Variants in RPA3 observed in about 807,000 individuals in gnomAD.
RPA3 encodes replication protein A 14 kDa subunit.
In RPA3, 24 loss-of-function variants were observed where a neutral mutation model predicts 13.7. The ratio of observed to expected loss-of-function variants is 1.75; its 90% CI spans 1.27 to 2.46. The LOEUF (loss-of-function observed/expected upper bound fraction) is 2.46, where lower values mean the gene tolerates loss of function less well. RPA3 is among the 30% of genes most tolerant of loss of function. RPA3 has a pLI of 0.00. For synonymous variants in RPA3, 59 were observed against 51.2 expected (o/e 1.15, Z -0.65); for missense variants, 183 against 151.0 (o/e 1.21, Z -1.11).
At chr7:7,664,470 C>T (rs1299833548) in intron 4 of RPA3, among the ~76,000 whole-genome samples, 1 of 152,200 alleles carries the variant, frequency 6.6e-6, no homozygotes, top group Non-Finnish European at 1.5e-5. Flanking sequence ...TTTCCTGACG[C>T]TTACAACTCT....
At position 7,685,879 on chromosome 7, in the gene RPA3, A is replaced by T. The variant is rs1416928258; in HGVS notation, c.-807T>A. 1 of 152,218 alleles carries T rather than the reference A, an allele frequency of 6.6e-6. No individual in the cohort carries two copies. The allele number at this position is 152,218 out of a possible 1,614,324, so 9.4% of individuals were successfully genotyped here. Reference sequence around the variant, plus strand: ...ATAAGTAAGAAGAATGTGGTAAATTAGTGTCGTATCTTTTTTTGATTGTAG... The same window carrying T: ...ATAAGTAAGAAGAATGTGGTAAATTTGTGTCGTATCTTTTTTTGATTGTAG... On this transcript the variant is annotated 5_prime_UTR_variant, in exon 4 of 8. Transcript: ENST00000223129.
In RPA3 at chr7:7,683,589, A is replaced by G. The variant is rs560719320; in HGVS notation, c.-758+2241T>C. ...AAATAGAAAAAGAGCAGAAAGCTTC[A>G]TACATGATCCTATGAAATGAAATTT... On this transcript the variant is annotated intron_variant, in intron 4 of 7. Transcript: ENST00000223129. Among the ~76,000 whole-genome samples, 16 of 152,274 alleles carry G rather than the reference A, an allele frequency of 1.1e-4. No individual in the cohort carries two copies. In the South Asian group the frequency reaches 1.9e-3, roughly 18 times the overall value.
At chr7:7,679,760 T>C (rs1764419833) in intron 4 of RPA3, among the ~76,000 whole-genome samples, 1 of 148,274 alleles carries the variant, frequency 6.7e-6, no homozygotes, top group Admixed American at 6.8e-5. Flanking sequence ...AGGCAATAAC[T>C]CACTATGTTA....
chr7:7,651,590 T>C (rs760308718), intron 4 of RPA3, among the ~76,000 whole-genome samples: 1 of 152,220 alleles, frequency 6.6e-6, no homozygotes, highest in African/African-American at 2.4e-5. Context: ...TGATCTCTAA[T>C]TGAAGGAGAG....
intron 4 of RPA3, among the ~76,000 whole-genome samples, chr7:7,643,953 G>T (rs1785036870): frequency 6.6e-6 from 1 of 152,120 alleles, no homozygotes; most frequent in Non-Finnish European, 1.5e-5. Context: ...GACTGAAGTT[G>T]CTACTGACCC....
At chr7:7,706,459 C>A (rs6967126) in intron 2 of RPA3, among the ~76,000 whole-genome samples, 61,952 of 151,882 alleles carry the variant, frequency 0.41, 12,793 homozygotes, top group Middle Eastern at 0.48. Context: ...AAAAATGAAA[C>A]CTATATAACA....
chr7:7,656,115 A>T (rs1785336198), intron 4 of RPA3, among the ~76,000 whole-genome samples: 1 of 152,098 alleles, frequency 6.6e-6, no homozygotes, highest in Admixed American at 6.5e-5. Context: ...GATTACAGGC[A>T]TGAGCCACTG....
At chr7:7,643,818 A>T (rs1426216856) in intron 4 of RPA3, among the ~76,000 whole-genome samples, 1 of 151,662 alleles carries the variant, frequency 6.6e-6, no homozygotes, top group Admixed American at 6.6e-5. Flanking sequence ...TCTAACAAGC[A>T]CACCTTCCTT....
At chr7:7,676,099 C>T in intron 4 of RPA3, 1 of 398,664 alleles carries the variant, frequency 2.5e-6, no homozygotes. Context: ...CCTTCTTCCG[C>T]AGAAGCATCT....
intron 4 of RPA3, among the ~76,000 whole-genome samples, chr7:7,682,151 C>G (rs1026704481): frequency 1.3e-5 from 2 of 152,132 alleles, no homozygotes; most frequent in African/African-American, 4.8e-5. Context: ...TATGCAGGTG[C>G]TTCTTCAAGT....
chr7:7,651,552 T>G (rs577731012), intron 4 of RPA3, among the ~76,000 whole-genome samples: 1 of 152,322 alleles, frequency 6.6e-6, no homozygotes, highest in South Asian at 2.1e-4. Flanking sequence ...GTACGTATTT[T>G]TCCATCCTCA....
intron 4 of RPA3, among the ~76,000 whole-genome samples, chr7:7,665,652 C>T (rs1335640781): frequency 2.0e-5 from 3 of 152,300 alleles, no homozygotes; most frequent in Non-Finnish European, 4.4e-5. Context: ...CCAAGAGTTT[C>T]CTGCTACTCC....
rs371649097 is a variant in RPA3, at chr7:7,712,452, CTTTT to C, written c.-1028+2719_-1028+2722del. Among the ~76,000 whole-genome samples, 46 of 152,062 alleles carry C rather than the reference CTTTT, an allele frequency of 3.0e-4. 3 individuals are homozygous for C. The South Asian group carries it at 9.3e-3, about 31-fold the overall frequency. On this transcript the variant is annotated intron_variant, in intron 2 of 7. Transcript: ENST00000223129. ...TTTTGTCAGATTTATTCTTAGAGTG[CTTTT>C]TTGTTTTATTATTATAGTAAATATT...
chr7:7,666,253 G>T (rs868621851), intron 4 of RPA3, among the ~76,000 whole-genome samples: 1 of 152,096 alleles, frequency 6.6e-6, no homozygotes, highest in African/African-American at 2.4e-5. Context: ...ACCCAGGCTG[G>T]AGTGCAGTGG....
At chr7:7,652,952 C>T (rs1785257021) in intron 4 of RPA3, among the ~76,000 whole-genome samples, 1 of 152,060 alleles carries the variant, frequency 6.6e-6, no homozygotes, top group Non-Finnish European at 1.5e-5. Context: ...TTTTAAAGAC[C>T]CATACTGAAT....
chr7:7,659,424 T>G (rs1432301642), intron 4 of RPA3, among the ~76,000 whole-genome samples: 1 of 152,212 alleles, frequency 6.6e-6, no homozygotes, highest in Non-Finnish European at 1.5e-5. Flanking sequence ...TCTTTCCCAC[T>G]TTCTCTTGTT....
intron 4 of RPA3, among the ~76,000 whole-genome samples, chr7:7,654,030 T>C (rs956491731): frequency 2.0e-5 from 3 of 152,208 alleles, no homozygotes; most frequent in African/African-American, 4.8e-5. Context: ...ATTATTCCGT[T>C]CTGTTTTTCA....
chr7:7,682,970 C>T (rs1048033209), intron 4 of RPA3, among the ~76,000 whole-genome samples: 2 of 152,138 alleles, frequency 1.3e-5, no homozygotes, highest in African/African-American at 2.4e-5. Context: ...AATCTAGCAG[C>T]GTTTCAGTTT....
chr7:7,638,098 G>T, intron 6 of RPA3, 126 bp from the exon 7 acceptor site: 1 of 575,394 alleles, frequency 1.7e-6, no homozygotes, highest in Non-Finnish European at 3.0e-6. Context: ...AGAATTACCA[G>T]TGTAAAAGTT....
Sources: gnomAD v4.1 joint callset for allele counts (sites outside exome capture counted in the v4.1 genomes callset) on GRCh38, gnomAD v4.1.1 for gene constraint, MANE v1.5 for transcripts, NCBI Gene and HGNC (gene_info 2026-07-23, HGNC 2026-07-21) for gene names.